The following MTSS1 variants were observed in gnomAD, a reference collection of about 807,000 sequenced individuals.
MTSS1 encodes MTSS I-BAR domain containing 1, also known as protein MTSS 1.
Under a neutral mutation model 79.0 loss-of-function variants are expected in MTSS1, and 18 were observed. That is an observed-to-expected ratio of 0.23 (90% CI 0.16 to 0.34). The LOEUF (loss-of-function observed/expected upper bound fraction) is 0.34. Ranked by LOEUF, MTSS1 falls within the 10% of genes least tolerant of loss-of-function variation. The pLI, the probability that MTSS1 is intolerant of heterozygous loss-of-function variation, is 1.00. For synonymous variants in MTSS1, 341 were observed against 368.6 expected (o/e 0.93, Z 0.86); for missense variants, 815 against 986.2 (o/e 0.83, Z 2.33).
At chr8:124,678,318 G>A (rs1174435352) in intron 3 of MTSS1, among the ~76,000 whole-genome samples, 4 of 152,346 alleles carry the variant, frequency 2.6e-5, no homozygotes, top group Non-Finnish European at 5.9e-5. Context: ...ATCCAGTTAA[G>A]AGGAGACCTA....
chr8:124,681,612 A>AC (rs1384606483), intron 3 of MTSS1, among the ~76,000 whole-genome samples: 1 of 152,096 alleles, frequency 6.6e-6, no homozygotes, highest in East Asian at 1.9e-4. Context: ...ACATGGTGAA[A>AC]CCCCATCTCT....
intron 1 of MTSS1, among the ~76,000 whole-genome samples, chr8:124,722,518 G>A (rs1421772843): frequency 6.6e-6 from 1 of 152,222 alleles, no homozygotes; most frequent in African/African-American, 2.4e-5. Context: ...GAAACCTGCA[G>A]TCTACTGCTA....
chr8:124,682,731 G>A (rs954641860), intron 3 of MTSS1, among the ~76,000 whole-genome samples: 5 of 152,200 alleles, frequency 3.3e-5, no homozygotes, highest in African/African-American at 7.2e-5. Flanking sequence ...CTACTTCAAC[G>A]AAGGGGAACT....
At chr8:124,639,868 A>G (rs1043916436) in intron 3 of MTSS1, among the ~76,000 whole-genome samples, 6 of 152,266 alleles carry the variant, frequency 3.9e-5, no homozygotes, top group African/African-American at 1.4e-4. Context: ...GCTAATAATC[A>G]TAATAGTGAA....
At chr8:124,588,069 A>G (rs1236776077) in intron 5 of MTSS1, among the ~76,000 whole-genome samples, 2 of 152,218 alleles carry the variant, frequency 1.3e-5, no homozygotes, top group Non-Finnish European at 2.9e-5. Context: ...GGCATGAAAT[A>G]CGGTAAGTAC....
intron 1 of MTSS1, among the ~76,000 whole-genome samples, chr8:124,714,235 G>T (rs183875285): frequency 1.3e-3 from 205 of 152,272 alleles, no homozygotes; most frequent in African/African-American, 3.6e-3. Context: ...CGCCTCACAT[G>T]TATGCTGTAT....
chr8:124,632,298 A>G (rs199892423), intron 3 of MTSS1, among the ~76,000 whole-genome samples: 5,410 of 149,328 alleles, frequency 0.036, 235 homozygotes, highest in East Asian at 0.15. Context: ...AAAAAAAAAA[A>G]GGTAAGGAAC....
chr8:124,712,942 T>C (rs908194504), intron 1 of MTSS1, among the ~76,000 whole-genome samples: 4 of 152,282 alleles, frequency 2.6e-5, no homozygotes, highest in African/African-American at 9.6e-5. Context: ...ATGCCCGGGC[T>C]GTTTTCTGAC....
Position 124,553,340 on chromosome 8 carries a change from C to A in MTSS1, c.1920G>T (p.Arg640=), listed in dbSNP as rs1389351462. Residue 640 remains arginine, a synonymous_variant, in exon 14 of 14, where the codon CGG becomes CGT. Transcript: ENST00000518547. This position sits in a 1 kb window ranked among gnomAD's most constrained non-coding sequence, Gnocchi z 6.0. The part of the protein sequence containing the change: ...LPAPPDGPEE[R]GEHSPESPSV... The stretch of plus-strand genomic sequence containing the variant: ...ATGGCGACTCAGGGCTGTGCTCCCC[C>A]CGCTCTTCTGGCCCATCTGGAGGGG... 1 of 1,613,604 alleles carries A rather than the reference C, an allele frequency of 6.2e-7. No homozygotes were observed. Among genetic ancestry groups the A allele is most frequent in the Admixed American group, 1.7e-5 (1 of 60,004 alleles).
rs1292987472 is a variant in MTSS1 at position 124,550,924 on chromosome 8, A to C, written c.*2068T>G. 1 of 152,668 alleles carries C rather than the reference A, an allele frequency of 6.6e-6. No homozygotes were observed. Among genetic ancestry groups the C allele is most frequent in the Non-Finnish European group, 1.5e-5 (1 of 68,046 alleles). The allele number at this position is 152,668 out of a possible 1,614,324, so 9.5% of individuals were successfully genotyped here. On this transcript the variant is annotated 3_prime_UTR_variant, in exon 14 of 14. Coordinates refer to ENST00000518547, the MANE Select transcript of MTSS1 (RefSeq NM_014751.6). Reference sequence around the variant, plus strand: ...AGGGAGAGGTCAACTCTCAGTACAAACTAGCAACTAAAGCACAATAATTTA... The same window carrying C: ...AGGGAGAGGTCAACTCTCAGTACAACCTAGCAACTAAAGCACAATAATTTA...
intron 6 of MTSS1, chr8:124,577,538 TGGA>T (rs1358589525): frequency 1.4e-5 from 7 of 517,636 alleles, no homozygotes; most frequent in Non-Finnish European, 2.3e-5. Flanking sequence ...TGCCCGGCCT[TGGA>T]GGAGATTTCT....
chr8:124,580,443 G>T, intron 6 of MTSS1: 2 of 1,213,576 alleles, frequency 1.6e-6, no homozygotes, highest in Non-Finnish European at 2.3e-6. Context: ...ATTGTTTTGA[G>T]CTGGTAGAAA....
chr8:124,718,011 G>A (rs535018305), intron 1 of MTSS1, among the ~76,000 whole-genome samples: 107 of 152,304 alleles, frequency 7.0e-4, no homozygotes, highest in Non-Finnish European at 1.1e-3. Context: ...CTACACACAC[G>A]GAAAGGCAAG....
At chr8:124,660,908 G>A (rs933286981) in intron 3 of MTSS1, among the ~76,000 whole-genome samples, 4 of 152,086 alleles carry the variant, frequency 2.6e-5, no homozygotes, top group African/African-American at 7.2e-5. Flanking sequence ...CCCAAGGTCC[G>A]AGTGGAACAC....
rs1261389747 is a variant in MTSS1, at chr8:124,699,596, T to C, written c.138A>G (p.Thr46=). ...AGAAGGCAGCTGCTGCTACTACTGTTGTCCTAAAATGCAAACAGATAACAA... is the reference window on the plus strand; with the variant it reads ...AGAAGGCAGCTGCTGCTACTACTGTCGTCCTAAAATGCAAACAGATAACAA... ...KAGKLQSQLR[T]TVVAAAAFLD... Residue 46 remains threonine, a synonymous_variant, in exon 3 of 14, where the codon ACA becomes ACG. Transcript: ENST00000518547. 4 of 1,614,102 alleles carry C rather than the reference T, an allele frequency of 2.5e-6. No homozygotes were observed. The highest frequency in any genetic ancestry group is 3.4e-6 in the Non-Finnish European group (4 of 1,179,972).
At chr8:124,631,363 G>A (rs778710430) in intron 3 of MTSS1, among the ~76,000 whole-genome samples, 4 of 152,128 alleles carry the variant, frequency 2.6e-5, no homozygotes, top group Non-Finnish European at 5.9e-5. Flanking sequence ...CACAAGACAT[G>A]AGCCCTTCTG....
intron 3 of MTSS1, among the ~76,000 whole-genome samples, chr8:124,651,979 A>G (rs563860515): frequency 6.6e-6 from 1 of 152,250 alleles, no homozygotes; most frequent in East Asian, 1.9e-4. Flanking sequence ...AAGGATTTTC[A>G]GTCTCCAACT....
chr8:124,569,687 A>G (rs1348571326), intron 6 of MTSS1, among the ~76,000 whole-genome samples: 2 of 152,182 alleles, frequency 1.3e-5, no homozygotes, highest in East Asian at 3.8e-4. Flanking sequence ...CCCTAGTACA[A>G]TGTCATGTGT....
chr8:124,705,958 G>A (rs998304644), intron 1 of MTSS1, among the ~76,000 whole-genome samples: 4 of 152,150 alleles, frequency 2.6e-5, no homozygotes, highest in Non-Finnish European at 4.4e-5. Flanking sequence ...CAAAAATCAC[G>A]CCCAGTCAAG....
Sources: gnomAD v4.1 joint callset for allele counts (sites outside exome capture counted in the v4.1 genomes callset) on GRCh38, gnomAD v4.1.1 for gene constraint, Gnocchi (gnomAD v3.1) non-coding constraint, MANE v1.5 for transcripts, NCBI Gene and HGNC (gene_info 2026-07-23, HGNC 2026-07-21) for gene names.